Variants in PKHD1 observed in about 807,000 individuals in gnomAD.
The protein encoded by PKHD1 is PKHD1 ciliary IPT domain containing fibrocystin/polyductin.
A neutral mutation model predicts 412.0 loss-of-function variants in PKHD1; 291 were observed. The ratio of observed to expected loss-of-function variants is 0.71; its 90% confidence interval spans 0.64 to 0.78. PKHD1 has a LOEUF of 0.78. Ranked by LOEUF, PKHD1 falls within the 30% of genes least tolerant of loss-of-function variation. The pLI, the probability that PKHD1 is intolerant of heterozygous loss-of-function variation, is 0.00. For synonymous variants in PKHD1, 1,777 were observed against 1,821.5 expected (o/e 0.98, Z 0.62); for missense variants, 4,825 against 4,950.7 (o/e 0.97, Z 0.76).
At chr6:51,740,916 C>T (rs1784473084) in intron 60 of PKHD1, among the ~76,000 whole-genome samples, 1 of 152,152 alleles carries the variant, frequency 6.6e-6, no homozygotes, top group Admixed American at 6.5e-5. Flanking sequence ...ATAGCAACCT[C>T]ATTTAAAATG....
intron 60 of PKHD1, among the ~76,000 whole-genome samples, chr6:51,663,246 T>C (rs536860238): frequency 2.2e-4 from 34 of 152,250 alleles, no homozygotes; most frequent in African/African-American, 8.2e-4. Flanking sequence ...TACACATTTT[T>C]TTCAGCCATG....
At chr6:51,760,624 A>G (rs539004686) in intron 55 of PKHD1, among the ~76,000 whole-genome samples, 85 of 152,222 alleles carry the variant, frequency 5.6e-4, no homozygotes, top group Admixed American at 2.8e-3. Flanking sequence ...GCCAGTACAA[A>G]AGTTGTTGTA....
At chr6:51,712,113 T>C (rs937320819) in intron 60 of PKHD1, among the ~76,000 whole-genome samples, 2 of 152,192 alleles carry the variant, frequency 1.3e-5, no homozygotes, top group African/African-American at 4.8e-5. Context: ...TGCTTCTGAC[T>C]CCACATAGAC....
chr6:51,798,738 C>T (rs535749043), intron 52 of PKHD1, among the ~76,000 whole-genome samples: 3 of 152,130 alleles, frequency 2.0e-5, no homozygotes, highest in Non-Finnish European at 4.4e-5. Context: ...GTTTCATTCT[C>T]CCTGTCTCAA....
chr6:51,958,372 A>T (rs549567911), intron 36 of PKHD1, among the ~76,000 whole-genome samples: 3 of 152,206 alleles, frequency 2.0e-5, no homozygotes, highest in African/African-American at 7.2e-5. Flanking sequence ...CCACTATTGG[A>T]GGTTGGGGCA....
chr6:51,670,650 C>T (rs935476027), intron 60 of PKHD1, among the ~76,000 whole-genome samples: 20 of 151,996 alleles, frequency 1.3e-4, no homozygotes, highest in Admixed American at 6.5e-5. Flanking sequence ...TCTCGATGGT[C>T]TTTACAATTT....
At chr6:51,955,478 C>G (rs1286370589) in intron 36 of PKHD1, among the ~76,000 whole-genome samples, 3 of 151,988 alleles carry the variant, frequency 2.0e-5, no homozygotes, top group African/African-American at 7.2e-5. Flanking sequence ...AAAAAAATGT[C>G]AATTCTATTT....
At chr6:52,063,928 C>G (rs1232091996) in intron 13 of PKHD1, among the ~76,000 whole-genome samples, 1 of 152,222 alleles carries the variant, frequency 6.6e-6, no homozygotes, top group East Asian at 1.9e-4. Context: ...ACCCAAGTAG[C>G]TAAAGCAGGA....
rs143682303 is a variant in PKHD1 at position 52,017,641 on chromosome 6, A to G, written c.5381-12T>C. 5.6e-4 allele frequency: 900 copies of G among 1,603,864 alleles called. No homozygotes were observed. Among genetic ancestry groups the G allele is most frequent in the Non-Finnish European group, 7.2e-4 (847 of 1,171,726 alleles). ...GAAGGCCAAGGACACTGCAGGAAAC[A>G]GTCACCATTAGGAAAGAACCACAGA... On this transcript the variant is annotated splice_polypyrimidine_tract_variant and intron_variant, in intron 33 of 66. Coordinates refer to ENST00000371117, the MANE Select transcript of PKHD1 (RefSeq NM_138694.4).
rs767464186 is a variant in PKHD1 at position 51,912,556 on chromosome 6, C to A, written c.6142G>T (p.Val2048Phe). The change falls in exon 38 of 67, where the codon GTC becomes TTC. Residue 2048 changes from valine (V) to phenylalanine (F), a missense_variant. Transcript: ENST00000371117. ...SLHGSLPEVI[V>F]TCLRATAHAL... ...TGGGCAGTTGCTCTAAGACAGGTGA[C>A]AATTACTTCTGGTAGTGAACCTAAA... 15 of 1,612,478 alleles carry A rather than the reference C, an allele frequency of 9.3e-6. No individual in the cohort carries two copies. The highest frequency in any genetic ancestry group is 1.2e-5 in the Non-Finnish European group (14 of 1,178,920).
At chr6:51,750,115 G>A (rs1453754519) in intron 57 of PKHD1, among the ~76,000 whole-genome samples, 1 of 152,090 alleles carries the variant, frequency 6.6e-6, no homozygotes, top group African/African-American at 2.4e-5. Context: ...CTGCCATGAA[G>A]AAGCAAGTCC....
intron 23 of PKHD1, among the ~76,000 whole-genome samples, chr6:52,047,347 T>C (rs1806022124): frequency 6.6e-6 from 1 of 152,180 alleles, no homozygotes; most frequent in Non-Finnish European, 1.5e-5. Flanking sequence ...TACCACTCTG[T>C]TCCTCTCACC....
intron 52 of PKHD1, among the ~76,000 whole-genome samples, chr6:51,826,564 G>A (rs940498480): frequency 9.8e-5 from 15 of 152,304 alleles, no homozygotes; most frequent in Admixed American, 6.5e-4. Context: ...TGAGATTTGC[G>A]TAGTAAGGCA....
chr6:51,647,885 GTAGAT>G, intron 63 of PKHD1, 141 bp downstream of exon 63: 1 of 669,110 alleles, frequency 1.5e-6, no homozygotes, highest in Non-Finnish European at 2.7e-6. Context: ...CACTGACACT[GTAGAT>G]TAGGGATGAA....
intron 53 of PKHD1, among the ~76,000 whole-genome samples, chr6:51,788,043 G>T (rs1482247570): frequency 6.6e-6 from 1 of 152,186 alleles, no homozygotes; most frequent in Non-Finnish European, 1.5e-5. Flanking sequence ...TATCTGCAGT[G>T]TAGAAAGATG....
chr6:51,631,297 A>G (rs569150591), intron 65 of PKHD1, among the ~76,000 whole-genome samples: 3 of 152,314 alleles, frequency 2.0e-5, no homozygotes, highest in East Asian at 1.9e-4. Flanking sequence ...TCACAGCAAC[A>G]TAAGGCAGAA....
chr6:52,082,946 C>G (rs1180523054), intron 3 of PKHD1, among the ~76,000 whole-genome samples: 1 of 152,152 alleles, frequency 6.6e-6, no homozygotes, highest in Non-Finnish European at 1.5e-5. Context: ...GAGTCCCATC[C>G]CACAGCCTGG....
intron 60 of PKHD1, among the ~76,000 whole-genome samples, chr6:51,692,251 ATCACATAAT>A: frequency 8.0e-6 from 1 of 125,142 alleles, no homozygotes; most frequent in Admixed American, 9.2e-5. Context: ...TCTGTAGAAA[ATCACATAAT>A]TCACACACAC....
chr6:51,672,629 T>C (rs1016675128), intron 60 of PKHD1, among the ~76,000 whole-genome samples: 9 of 152,218 alleles, frequency 5.9e-5, no homozygotes, highest in African/African-American at 2.2e-4. Context: ...TGGCTGAGTT[T>C]ATTCAAGGTT....
Sources: gnomAD v4.1 joint callset for allele counts (sites outside exome capture counted in the v4.1 genomes callset) on GRCh38, gnomAD v4.1.1 for gene constraint, MANE v1.5 for transcripts, NCBI Gene and HGNC (gene_info 2026-07-23, HGNC 2026-07-21) for gene names.